The following PRDM11 variants were observed in gnomAD, a reference collection of about 807,000 sequenced individuals.
PRDM11 encodes the protein PR/SET domain 11.
In PRDM11, 20 loss-of-function variants were observed where a neutral mutation model predicts 97.8. The observed-to-expected ratio is 0.20, with a 90% CI of 0.14 to 0.30. The LOEUF (loss-of-function observed/expected upper bound fraction) is 0.30. Among genes scored for constraint, PRDM11 ranks in the 10% least tolerant of loss-of-function variants. The pLI, the probability that PRDM11 is intolerant of heterozygous loss-of-function variation, is 1.00. For missense variants in PRDM11, 1,139 were observed against 1,555.2 expected, an observed-to-expected ratio of 0.73 and a Z score of 4.50; for synonymous variants, 599 against 637.7, an observed-to-expected ratio of 0.94 and a Z score of 0.91.
intron 6 of PRDM11, among the ~76,000 whole-genome samples, chr11:45,222,323 G>A (rs554281434): frequency 1.6e-4 from 24 of 152,286 alleles, no homozygotes; most frequent in African/African-American, 2.2e-4. Context: ...TTTGAACAAC[G>A]TTGTTTTCAA....
At chr11:45,100,583 G>A (rs1389349284) in intron 1 of PRDM11, among the ~76,000 whole-genome samples, 1 of 152,206 alleles carries the variant, frequency 6.6e-6, no homozygotes, top group African/African-American at 2.4e-5. Context: ...ATTGGCTGGT[G>A]AGATCACCCT....
chr11:45,227,319 C>G lies in PRDM11; in HGVS notation c.2694C>G (p.Phe898Leu), dbSNP rs1565352310. 1 of 1,533,858 alleles carries G rather than the reference C, an allele frequency of 6.5e-7. No individual in the cohort carries two copies. Among genetic ancestry groups the G allele is most frequent in the Non-Finnish European group, 8.7e-7 (1 of 1,146,746 alleles). ...IAVLSRLAYI[F>L]QGEYLLVSQV... ...TGCTCTCGCGTCTGGCCTACATCTT[C>G]CAGGGCGAGTACCTGCTGGTGTCCC... Residue 898 changes from phenylalanine (F) to leucine (L), a missense_variant, in exon 8 of 8, where the codon TTC (phenylalanine) becomes TTG (leucine). Transcript: ENST00000683152. This position sits in a 1 kb window ranked among gnomAD's most constrained non-coding sequence, Gnocchi z 8.0.
intron 4 of PRDM11, among the ~76,000 whole-genome samples, chr11:45,194,459 T>C (rs1853028130): frequency 1.3e-5 from 2 of 152,064 alleles, no homozygotes; most frequent in Admixed American, 1.3e-4. Flanking sequence ...CAGTGGGTCC[T>C]CCAAAGATGC....
intron 1 of PRDM11, among the ~76,000 whole-genome samples, chr11:45,134,701 G>GAAAACAAAAAAAAAAA (rs1852796612): frequency 2.3e-5 from 1 of 44,262 alleles, no homozygotes; most frequent in Non-Finnish European, 3.5e-5. Context: ...CCTGTCTCAC[G>GAAAACAAAAAAAAAAA]AAAAAAAAAA....
At chr11:45,097,799 C>G (rs532382689) in intron 1 of PRDM11, among the ~76,000 whole-genome samples, 3 of 152,326 alleles carry the variant, frequency 2.0e-5, no homozygotes, top group African/African-American at 7.2e-5. Context: ...TCTCTTCAGT[C>G]CACATCTCTG....
chr11:45,204,172 A>AAATC (rs1443841488), intron 4 of PRDM11, among the ~76,000 whole-genome samples: 2 of 152,214 alleles, frequency 1.3e-5, no homozygotes, highest in African/African-American at 4.8e-5. Flanking sequence ...ACTCTGATTA[A>AAATC]AGAGTGATGA....
chr11:45,145,859 T>C (rs1851495814), upstream of PRDM11, among the ~76,000 whole-genome samples: 1 of 152,068 alleles, frequency 6.6e-6, no homozygotes, highest in African/African-American at 2.4e-5. Flanking sequence ...TCTGTGACAA[T>C]TCCACCCCCG....
intron 1 of PRDM11, among the ~76,000 whole-genome samples, chr11:45,137,872 A>T (rs1179820303): frequency 3.3e-5 from 5 of 152,234 alleles, no homozygotes; most frequent in Non-Finnish European, 7.3e-5. Flanking sequence ...TTGAAGTCAG[A>T]GCAGGACTAG....
At chr11:45,168,517 G>A (rs941283004) in intron 1 of PRDM11, among the ~76,000 whole-genome samples, 4 of 152,162 alleles carry the variant, frequency 2.6e-5, no homozygotes, top group East Asian at 1.9e-4. Context: ...TGCCTCCTCC[G>A]GTGGCCTTGA....
intron 5 of PRDM11, among the ~76,000 whole-genome samples, chr11:45,210,192 G>A (rs1324726323): frequency 1.3e-5 from 2 of 152,136 alleles, no homozygotes; most frequent in African/African-American, 2.4e-5. Context: ...CCTGAGCCAC[G>A]CTGCCTGCCC....
intron 4 of PRDM11, among the ~76,000 whole-genome samples, chr11:45,199,175 T>C (rs1853237703): frequency 6.6e-6 from 1 of 152,192 alleles, no homozygotes; most frequent in Admixed American, 6.5e-5. Context: ...TTTATGAGCA[T>C]CTCTCAGTCT....
chr11:45,223,457 A>G (rs1271767204), intron 6 of PRDM11, among the ~76,000 whole-genome samples: 2 of 152,242 alleles, frequency 1.3e-5, no homozygotes, highest in African/African-American at 4.8e-5. Flanking sequence ...TTGAATTGCC[A>G]AGTGAGGAGA....
chr11:45,125,600 C>A (rs2135636583), intron 1 of PRDM11, among the ~76,000 whole-genome samples: 1 of 152,246 alleles, frequency 6.6e-6, no homozygotes, highest in East Asian at 1.9e-4. Context: ...GTTATGTACC[C>A]AGTAGTCTTT....
intron 1 of PRDM11, among the ~76,000 whole-genome samples, chr11:45,158,836 G>A (rs922342057): frequency 1.8e-4 from 28 of 152,092 alleles, no homozygotes; most frequent in Non-Finnish European, 4.0e-4. Flanking sequence ...AGCCTGTTGT[G>A]CATGGCTTCT....
chr11:45,189,720 C>T (rs922739783), intron 4 of PRDM11, among the ~76,000 whole-genome samples: 8 of 152,158 alleles, frequency 5.3e-5, no homozygotes, highest in Admixed American at 2.6e-4. Flanking sequence ...TGAAAGTGGA[C>T]GTGCCAGAGC....
chr11:45,152,400 C>T (rs1405086498), intron 1 of PRDM11, among the ~76,000 whole-genome samples: 1 of 152,128 alleles, frequency 6.6e-6, no homozygotes, highest in African/African-American at 2.4e-5. Context: ...TGCAACCCAC[C>T]CCAACACCCT....
At chr11:45,164,229 G>A (rs1565279873) in intron 1 of PRDM11, among the ~76,000 whole-genome samples, 1 of 152,216 alleles carries the variant, frequency 6.6e-6, no homozygotes, top group African/African-American at 2.4e-5. Context: ...AGTGGGCAGC[G>A]TAAGGTCAGG....
At chr11:45,127,157 A>C (rs1040178169) in intron 1 of PRDM11, among the ~76,000 whole-genome samples, 1 of 152,102 alleles carries the variant, frequency 6.6e-6, no homozygotes, top group African/African-American at 2.4e-5. Context: ...CATTCTTCAC[A>C]TAGTTCTCCA....
chr11:45,137,433 A>G (rs1422563154), intron 1 of PRDM11, among the ~76,000 whole-genome samples: 1 of 152,020 alleles, frequency 6.6e-6, no homozygotes, highest in Admixed American at 6.6e-5. Flanking sequence ...CCGTCTCAAA[A>G]AAAAAAAGAA....
Sources: allele counts gnomAD v4.1 joint callset (sites outside exome capture counted in the v4.1 genomes callset), GRCh38; gene constraint gnomAD v4.1.1; non-coding constraint Gnocchi (gnomAD v3.1); transcripts MANE v1.5; gene names NCBI Gene and HGNC (gene_info 2026-07-23, HGNC 2026-07-21).